The following CFAP77 variants were observed in gnomAD, a reference collection of about 807,000 sequenced individuals.
CFAP77 encodes the protein cilia- and flagella-associated protein 77.
CFAP77 carries 25 observed loss-of-function variants against 31.1 expected under a neutral mutation model. The ratio of observed to expected loss-of-function variants is 0.80; its 90% CI spans 0.59 to 1.12. The LOEUF (loss-of-function observed/expected upper bound fraction) is 1.12. Ranked by LOEUF, CFAP77 falls within the 50% of genes most tolerant of loss-of-function variation. The probability of loss-of-function intolerance (pLI) is 0.00; values close to 1 mark genes in which losing one functional copy is unlikely to be tolerated. For missense variants in CFAP77, 377 were observed against 397.3 expected, an observed-to-expected ratio of 0.95 and a Z score of 0.44; for synonymous variants, 151 against 159.9, an observed-to-expected ratio of 0.94 and a Z score of 0.42.
chr9:132,434,305 T>G (rs761331623), intron 1 of CFAP77, among the ~76,000 whole-genome samples: 3 of 152,106 alleles, frequency 2.0e-5, no homozygotes, highest in Non-Finnish European at 4.4e-5. Flanking sequence ...GTTCTTACCA[T>G]GTATATGAAA....
chr9:132,566,014 C>G (rs918860573), intron 5 of CFAP77, among the ~76,000 whole-genome samples: 2 of 152,248 alleles, frequency 1.3e-5, no homozygotes, highest in African/African-American at 4.8e-5. Flanking sequence ...CAGGCAGAGA[C>G]AGACCGCAGA....
At chr9:132,422,639 C>T (rs901561743) in intron 1 of CFAP77, among the ~76,000 whole-genome samples, 1 of 152,128 alleles carries the variant, frequency 6.6e-6, no homozygotes, top group African/African-American at 2.4e-5. Flanking sequence ...TGCAGTGAAG[C>T]AGCAGGGAAA....
chr9:132,524,804 A>G (rs945297143), intron 3 of CFAP77, among the ~76,000 whole-genome samples: 1 of 148,926 alleles, frequency 6.7e-6, no homozygotes, highest in East Asian at 2.0e-4. Flanking sequence ...GCCCGCCACC[A>G]CGCCCAGCTA....
At chr9:132,513,039 G>C (rs1225607915) in intron 3 of CFAP77, among the ~76,000 whole-genome samples, 1 of 152,106 alleles carries the variant, frequency 6.6e-6, no homozygotes, top group Non-Finnish European at 1.5e-5. Context: ...TTTAATTTTT[G>C]TGGGCACATA....
chr9:132,451,295 G>A (rs1346506104), intron 1 of CFAP77, among the ~76,000 whole-genome samples: 5 of 149,872 alleles, frequency 3.3e-5, no homozygotes, highest in South Asian at 2.1e-4. Context: ...CTGAGATCGC[G>A]CCATTGCACT....
At chr9:132,494,652 G>A (rs535412471) in intron 1 of CFAP77, among the ~76,000 whole-genome samples, 3 of 149,744 alleles carry the variant, frequency 2.0e-5, no homozygotes, top group Admixed American at 6.6e-5. Flanking sequence ...TCAAGAGATA[G>A]TGCCAAACAG....
chr9:132,550,547 CAG>C (rs1852807056), intron 5 of CFAP77, among the ~76,000 whole-genome samples: 1 of 122,796 alleles, frequency 8.1e-6, no homozygotes, highest in African/African-American at 3.2e-5. Context: ...TTTTTTGAGA[CAG>C]GGTCTCACTC....
chr9:132,434,303 C>A (rs1274770763), intron 1 of CFAP77, among the ~76,000 whole-genome samples: 3 of 151,928 alleles, frequency 2.0e-5, no homozygotes, highest in South Asian at 4.1e-4. Context: ...TTGTTCTTAC[C>A]ATGTATATGA....
intron 1 of CFAP77, among the ~76,000 whole-genome samples, chr9:132,430,398 T>C (rs946358847): frequency 3.9e-5 from 6 of 152,176 alleles, no homozygotes; most frequent in Non-Finnish European, 7.3e-5. Context: ...AATAAACTGG[T>C]AAGGAACATT....
rs190421549 is a variant in CFAP77 at position 132,486,024 on chromosome 9, A to G, written c.196-12671A>G. Among the ~76,000 whole-genome samples the G allele has an allele frequency of 1.8e-4, 8 of 43,328 alleles. No individual in the cohort carries two copies. In the African/African-American group the frequency reaches 2.0e-3, roughly 11 times the overall value. The allele number at this position is 43,328 out of a possible 152,430, so 28.4% of individuals were successfully genotyped here. ...TATATATATATATATATATATATAT[A>G]TATATATATATATATATGTATGTAT... On this transcript the variant is annotated intron_variant, in intron 1 of 5. Transcript: ENST00000393216.
chr9:132,514,090 C>T (rs564636609), intron 3 of CFAP77, among the ~76,000 whole-genome samples: 10 of 68,906 alleles, frequency 1.5e-4, no homozygotes, highest in African/African-American at 6.3e-4. Context: ...GTGAGATGAC[C>T]CTTCACCTAT....
chr9:132,519,812 GTGGATGGATGGA>G (rs58108071), intron 3 of CFAP77, among the ~76,000 whole-genome samples: 47,681 of 116,066 alleles, frequency 0.41, 10,326 homozygotes, highest in East Asian at 0.78. Context: ...GAATGGGTGG[GTGGATGGATGGA>G]TGGATGGATG....
At chr9:132,488,486 G>A (rs1413857410) in intron 1 of CFAP77, among the ~76,000 whole-genome samples, 1 of 152,124 alleles carries the variant, frequency 6.6e-6, no homozygotes, top group Non-Finnish European at 1.5e-5. Flanking sequence ...GGCTAGTTAA[G>A]GGGAAAAAAA....
At chr9:132,462,443 A>G (rs1381457167) in intron 1 of CFAP77, among the ~76,000 whole-genome samples, 1 of 152,164 alleles carries the variant, frequency 6.6e-6, no homozygotes, top group Non-Finnish European at 1.5e-5. Context: ...GACTCGTTCC[A>G]TTACATAGAT....
chr9:132,431,961 C>T (rs1289278140), intron 1 of CFAP77, among the ~76,000 whole-genome samples: 1 of 152,190 alleles, frequency 6.6e-6, no homozygotes, highest in Admixed American at 6.5e-5. Flanking sequence ...AGCCACCACT[C>T]CTGGCTATTC....
chr9:132,467,377 C>A (rs1187343293), intron 1 of CFAP77, among the ~76,000 whole-genome samples: 1 of 152,262 alleles, frequency 6.6e-6, no homozygotes, highest in South Asian at 2.1e-4. Flanking sequence ...CAGCTCCTGG[C>A]AATCACCATT....
rs1045631063 is a variant in CFAP77, at chr9:132,497,229, G to A, written c.196-1466G>A. Among the ~76,000 whole-genome samples the A allele has an allele frequency of 6.6e-6, 1 of 152,140 alleles. No homozygotes were observed. The highest frequency in any genetic ancestry group is 2.4e-5 in the African/African-American group (1 of 41,422). On this transcript the variant is annotated intron_variant, in intron 1 of 5. Coordinates refer to ENST00000393216, the MANE Select transcript of CFAP77 (RefSeq NM_001282957.2). The surrounding 1 kb of genome is among the most constrained non-coding windows in gnomAD (Gnocchi z 4.9). ...GGGCCTGGACTGCCAGCAGAGGGAA[G>A]GGTTTATTTCAGAGGCAGTGATGAG...
At chr9:132,482,239 G>A (rs911704497) in intron 1 of CFAP77, 2 of 919,532 alleles carry the variant, frequency 2.2e-6, no homozygotes, top group Non-Finnish European at 3.4e-6. Flanking sequence ...GCTCACTCAG[G>A]GTCTGCTGGC....
rs1469808924 is a variant in CFAP77 at position 132,490,358 on chromosome 9, T to C, written c.196-8337T>C. On this transcript the variant is annotated intron_variant, in intron 1 of 5. Coordinates refer to ENST00000393216, the MANE Select transcript of CFAP77 (RefSeq NM_001282957.2). The surrounding 1 kb of genome is among the most constrained non-coding windows in gnomAD (Gnocchi z 4.6). ...CAAGCCTCAGGTGGCCCCTGTGTTT[T>C]GATGGCAGCTGAACTCAGATGTCTG... is the stretch of plus-strand genomic sequence containing the variant. 6.6e-6 allele frequency among the ~76,000 whole-genome samples: 1 copy of C among 152,222 alleles called. No homozygotes were observed. The highest frequency in any genetic ancestry group is 1.5e-5 in the Non-Finnish European group (1 of 68,046).
Sources: gnomAD v4.1 joint callset for allele counts (sites outside exome capture counted in the v4.1 genomes callset) on GRCh38, gnomAD v4.1.1 for gene constraint, Gnocchi (gnomAD v3.1) non-coding constraint, MANE v1.5 for transcripts, NCBI Gene and HGNC (gene_info 2026-07-23, HGNC 2026-07-21) for gene names.